The following ANKRD30B variants were observed in gnomAD, a reference collection of about 807,000 sequenced individuals.
ANKRD30B encodes ankyrin repeat domain 30B.
Under a neutral mutation model 202.2 loss-of-function variants are expected in ANKRD30B, and 144 were observed. That is an observed-to-expected ratio of 0.71 (90% CI 0.62 to 0.82). The LOEUF is 0.82. Ranked by LOEUF, ANKRD30B falls within the 40% of genes least tolerant of loss-of-function variation. ANKRD30B has a pLI of 0.00. For synonymous variants in ANKRD30B, 508 were observed against 561.3 expected (o/e 0.91, Z 1.34); for missense variants, 1,487 against 1,669.1 (o/e 0.89, Z 1.90).
the ANKRD30B span, among the ~76,000 whole-genome samples, chr18:14,923,479 G>A: frequency 3.9e-5 from 6 of 152,114 alleles, no homozygotes; most frequent in Admixed American, 3.9e-4. Flanking sequence ...TGCCAGCTCA[G>A]CTGCAGTAGA....
intron 8 of ANKRD30B, among the ~76,000 whole-genome samples, chr18:14,771,481 C>CA (rs1967004342): frequency 1.3e-5 from 2 of 151,156 alleles, no homozygotes; most frequent in South Asian, 4.1e-4. Context: ...GTTAGACTTT[C>CA]TTACTTTTAA....
At chr18:14,926,052 A>G in the ANKRD30B span, among the ~76,000 whole-genome samples, 1 of 152,226 alleles carries the variant, frequency 6.6e-6, no homozygotes, top group African/African-American at 2.4e-5. Flanking sequence ...AAGAATTTGA[A>G]GATAAACCTC....
the ANKRD30B span, among the ~76,000 whole-genome samples, chr18:14,927,719 G>A: frequency 2.0e-5 from 3 of 152,124 alleles, no homozygotes; most frequent in African/African-American, 2.4e-5. Context: ...AAAGTTCCTG[G>A]CTCTAACAAT....
rs1468058004 is a variant in ANKRD30B at position 14,760,685 on chromosome 18, A to G, written c.820+67A>G. 12 of 1,185,326 alleles carry G rather than the reference A, an allele frequency of 1.0e-5. No individual in the cohort carries two copies. In the Admixed American group the frequency reaches 1.3e-4, roughly 13 times the overall value. The allele number at this position is 1,185,326 out of a possible 1,614,324, so 73.4% of individuals were successfully genotyped here. ...TAAGATTAGGGAAGTGCTGATCACA[A>G]AAAAGCAATTCAAAAAGCAATGTGC... On this transcript the variant is annotated intron_variant, in intron 6 of 43. Transcript: ENST00000690538.
At chr18:14,770,033 C>G (rs760844791) in intron 8 of ANKRD30B, among the ~76,000 whole-genome samples, 2 of 152,154 alleles carry the variant, frequency 1.3e-5, no homozygotes, top group Non-Finnish European at 2.9e-5. Flanking sequence ...ATAGAATTCT[C>G]TATTGACTGA....
chr18:14,843,687 G>A (rs1247941097), intron 39 of ANKRD30B, among the ~76,000 whole-genome samples: 3 of 151,976 alleles, frequency 2.0e-5, no homozygotes, highest in East Asian at 3.9e-4. Flanking sequence ...CCAGCTACTC[G>A]GGAGGCTGAG....
chr18:14,930,545 A>T, the ANKRD30B span, among the ~76,000 whole-genome samples: 1 of 152,136 alleles, frequency 6.6e-6, no homozygotes, highest in African/African-American at 2.4e-5. Flanking sequence ...TAAGCTATCA[A>T]AGAGGTTCTG....
At chr18:14,776,926 C>T (rs1174136819) in intron 9 of ANKRD30B, among the ~76,000 whole-genome samples, 1 of 152,158 alleles carries the variant, frequency 6.6e-6, no homozygotes, top group Non-Finnish European at 1.5e-5. Flanking sequence ...GAGTTCTACT[C>T]CTACTCCGCA....
the ANKRD30B span, among the ~76,000 whole-genome samples, chr18:14,877,421 T>C: frequency 6.6e-6 from 1 of 151,974 alleles, no homozygotes; most frequent in African/African-American, 2.4e-5. Flanking sequence ...TGAGCCCCAG[T>C]TTCTGCATCC....
chr18:14,908,495 A>G, the ANKRD30B span, among the ~76,000 whole-genome samples: 1 of 152,082 alleles, frequency 6.6e-6, no homozygotes, highest in Non-Finnish European at 1.5e-5. Flanking sequence ...AAACTCCCTC[A>G]GCATCCGAGG....
chr18:14,883,395 C>CTATATATA, the ANKRD30B span: 4 of 74,890 alleles, frequency 5.3e-5, no homozygotes, highest in East Asian at 7.6e-4. Context: ...CTCTCTCTCT[C>CTATATATA]TCTCTATATA....
chr18:14,892,769 T>A, the ANKRD30B span, among the ~76,000 whole-genome samples: 102 of 85,462 alleles, frequency 1.2e-3, no homozygotes, highest in South Asian at 2.1e-3. Flanking sequence ...AAAAAAAAAA[T>A]TAGTTGGGCA....
At chr18:14,930,125 G>T in the ANKRD30B span, among the ~76,000 whole-genome samples, 2 of 152,184 alleles carry the variant, frequency 1.3e-5, no homozygotes, top group South Asian at 4.1e-4. Context: ...TGTGGCTCAG[G>T]TGAGTGAATA....
chr18:14,897,346 A>G, the ANKRD30B span, among the ~76,000 whole-genome samples: 1 of 152,012 alleles, frequency 6.6e-6, no homozygotes, highest in Non-Finnish European at 1.5e-5. Flanking sequence ...ACGCGCGCCT[A>G]ATTTTTGTAA....
the ANKRD30B span, among the ~76,000 whole-genome samples, chr18:14,929,654 G>A: frequency 3.9e-5 from 6 of 152,130 alleles, no homozygotes; most frequent in Non-Finnish European, 5.9e-5. Flanking sequence ...AGTATTCGTT[G>A]AGGACTTGGA....
At chr18:14,838,787 T>C (rs1971287442) in intron 36 of ANKRD30B, among the ~76,000 whole-genome samples, 1 of 152,376 alleles carries the variant, frequency 6.6e-6, no homozygotes, top group African/African-American at 2.4e-5. Flanking sequence ...CCAGTAACTT[T>C]GTTTATAAAA....
intron 41 of ANKRD30B, 82 bp from the exon 42 acceptor site, chr18:14,851,427 A>G (rs1362773912): frequency 7.9e-6 from 11 of 1,384,992 alleles, no homozygotes; most frequent in Non-Finnish European, 8.6e-6. Context: ...GTATAAACGT[A>G]CAAGTTGTTC....
At chr18:14,794,558 T>C (rs34229264) in intron 16 of ANKRD30B, among the ~76,000 whole-genome samples, 396 of 148,450 alleles carry the variant, frequency 2.7e-3, no homozygotes, top group Middle Eastern at 3.4e-3. Flanking sequence ...TTCCTATATA[T>C]GAATTTCTGA....
intron 22 of ANKRD30B, 129 bp downstream of exon 22, chr18:14,799,424 C>T (rs1159570568): frequency 6.2e-6 from 6 of 967,242 alleles, no homozygotes; most frequent in Non-Finnish European, 8.9e-6. Context: ...AAAATAATGG[C>T]AACATTAGTA....
Sources: gnomAD v4.1 joint callset for allele counts (sites outside exome capture counted in the v4.1 genomes callset) on GRCh38, gnomAD v4.1.1 for gene constraint, MANE v1.5 for transcripts, NCBI Gene and HGNC (gene_info 2026-07-23, HGNC 2026-07-21) for gene names.